CNTN4: variants seen among roughly 807,000 people sequenced by gnomAD.
The protein encoded by CNTN4 is contactin-4.
A neutral mutation model predicts 122.5 loss-of-function variants in CNTN4; 77 were observed. That is an observed-to-expected ratio of 0.63 (90% CI 0.52 to 0.76). CNTN4 has a LOEUF of 0.76. Ranked by LOEUF, CNTN4 falls within the 30% of genes least tolerant of loss-of-function variation. The pLI is 0.00. For missense variants in CNTN4, 1,256 were observed against 1,259.1 expected (o/e 1.00, Z 0.04); for synonymous variants, 512 against 447.0 (o/e 1.15, Z -1.83).
intron 3 of CNTN4, among the ~76,000 whole-genome samples, chr3:2,443,172 G>C (rs2048500636): frequency 6.6e-6 from 1 of 151,158 alleles, no homozygotes; most frequent in Admixed American, 6.6e-5. Flanking sequence ...AAGAAGAAAA[G>C]TAACTTAGAA....
At position 2,768,935 on chromosome 3, in the gene CNTN4, C is replaced by T. The variant is rs534237073; in HGVS notation, c.358+23238C>T. On this transcript the variant is annotated intron_variant, in intron 6 of 24. Transcript: ENST00000418658. ...TCGTGATCCCATTAAGGGACAGATC[C>T]GAGGATCAAAACCCAGACTTTTGAC... Among the ~76,000 whole-genome samples, 4 of 152,164 alleles carry T rather than the reference C, an allele frequency of 2.6e-5. No homozygotes were observed. In the South Asian group the frequency reaches 8.3e-4, roughly 32 times the overall value.
At position 2,248,050 on chromosome 3, in the gene CNTN4, C is replaced by G. The variant is rs115969485; in HGVS notation, c.-144-91128C>G. Among the ~76,000 whole-genome samples, 272 of 152,018 alleles carry G rather than the reference C, an allele frequency of 1.8e-3. 1 individual carries two copies. Among genetic ancestry groups the G allele is most frequent in the Admixed American group, 2.7e-3 (41 of 15,206 alleles). ...GACATGTGATATATGTATTTGTTTA[C>G]TATCTCCTCATGCTAGGTTGTAAGC... On this transcript the variant is annotated intron_variant, in intron 2 of 24. Transcript: ENST00000418658.
intron 2 of CNTN4, among the ~76,000 whole-genome samples, chr3:2,324,899 A>T (rs2043401265): frequency 6.6e-6 from 1 of 152,096 alleles, no homozygotes. Flanking sequence ...TAGTACTCTG[A>T]AGACAAAATG....
At chr3:2,701,255 AATGCATCCAGTATATTT>A (rs1206291981) in intron 4 of CNTN4, among the ~76,000 whole-genome samples, 1 of 152,138 alleles carries the variant, frequency 6.6e-6, no homozygotes, top group Non-Finnish European at 1.5e-5. Context: ...CACTCTACAA[AATGCATCCAGTATATTT>A]TGAGTAGAGA....
intron 3 of CNTN4, among the ~76,000 whole-genome samples, chr3:2,430,422 C>CAAAAAAA (rs545639324): frequency 1.7e-5 from 1 of 60,202 alleles, no homozygotes; most frequent in African/African-American, 5.7e-5. Flanking sequence ...ACTCTTGTCT[C>CAAAAAAA]AAAAAAAAAA....
intron 2 of CNTN4, among the ~76,000 whole-genome samples, chr3:2,203,659 C>G (rs1275073189): frequency 6.6e-6 from 1 of 151,992 alleles, no homozygotes; most frequent in Non-Finnish European, 1.5e-5. Context: ...GTAGAGGGAG[C>G]AGGCACTAAG....
At chr3:2,659,518 C>T (rs1028227154) in intron 4 of CNTN4, among the ~76,000 whole-genome samples, 3 of 147,964 alleles carry the variant, frequency 2.0e-5, no homozygotes, top group Admixed American at 1.3e-4. Flanking sequence ...GAAGAGAGGG[C>T]AAATGTGTAT....
chr3:2,203,086 A>G lies in CNTN4; in HGVS notation c.-145+102447A>G, dbSNP rs552177466. 5.3e-5 allele frequency among the ~76,000 whole-genome samples: 8 copies of G among 151,690 alleles called. No homozygotes were observed. The East Asian group carries it at 1.6e-3, about 30-fold the overall frequency. On this transcript the variant is annotated intron_variant, in intron 2 of 24. Transcript: ENST00000418658. ...TGACCTCAAGTTGTCTGCCCGCCTC[A>G]GCCTCCGAAAGTGCTGGGATTACAG...
At chr3:2,726,591 C>T (rs1224655014) in intron 4 of CNTN4, among the ~76,000 whole-genome samples, 1 of 152,226 alleles carries the variant, frequency 6.6e-6, no homozygotes, top group Non-Finnish European at 1.5e-5. Flanking sequence ...ATCTCATTTA[C>T]ATTTCTCTAG....
At chr3:2,932,475 G>C (rs1363768063) in intron 13 of CNTN4, among the ~76,000 whole-genome samples, 1 of 152,184 alleles carries the variant, frequency 6.6e-6, no homozygotes, top group Non-Finnish European at 1.5e-5. Context: ...TAAAATCAAG[G>C]CTTCAGCAGA....
chr3:2,550,810 T>C (rs1311811436), intron 3 of CNTN4, among the ~76,000 whole-genome samples: 2 of 152,090 alleles, frequency 1.3e-5, no homozygotes, highest in Non-Finnish European at 2.9e-5. Flanking sequence ...GGGACATGGA[T>C]GAAGCTGGAA....
At chr3:2,164,863 C>A (rs1255092057) in intron 2 of CNTN4, among the ~76,000 whole-genome samples, 2 of 151,710 alleles carry the variant, frequency 1.3e-5, no homozygotes, top group Non-Finnish European at 2.9e-5. Context: ...TTAAAAAAAA[C>A]AAAACAAAAC....
intron 14 of CNTN4, among the ~76,000 whole-genome samples, chr3:3,017,675 C>T (rs574236297): frequency 6.6e-6 from 1 of 152,118 alleles, no homozygotes; most frequent in Non-Finnish European, 1.5e-5. Context: ...TTTGCTATGC[C>T]GTGAAGTGCA....
In CNTN4 at chr3:2,677,809, A is replaced by C. The variant is rs2084954059; in HGVS notation, c.56-58406A>C. ...GTGAATGTTAGAAAAAAAAAATAAC[A>C]GGTTTCCTGCAATGCATCTTATCAT... On this transcript the variant is annotated intron_variant, in intron 4 of 24. Transcript: ENST00000418658. 2.0e-5 allele frequency among the ~76,000 whole-genome samples: 3 copies of C among 152,180 alleles called. No homozygotes were observed. In the South Asian group the frequency reaches 6.2e-4, roughly 31 times the overall value.
intron 2 of CNTN4, among the ~76,000 whole-genome samples, chr3:2,336,115 C>G (rs2043944245): frequency 6.6e-6 from 1 of 152,066 alleles, no homozygotes; most frequent in Admixed American, 6.6e-5. Context: ...AACTGGAGCA[C>G]AAGATCCATT....
intron 3 of CNTN4, among the ~76,000 whole-genome samples, chr3:2,444,110 C>T (rs916811869): frequency 1.3e-5 from 2 of 151,292 alleles, no homozygotes; most frequent in Non-Finnish European, 2.9e-5. Flanking sequence ...TAAGGCTTTT[C>T]ATTCAGTCTT....
intron 4 of CNTN4, among the ~76,000 whole-genome samples, chr3:2,580,968 A>G (rs1465232150): frequency 3.3e-5 from 5 of 152,206 alleles, no homozygotes; most frequent in African/African-American, 1.2e-4. Context: ...TTGTCATGCT[A>G]TGATGATAAC....
intron 4 of CNTN4, among the ~76,000 whole-genome samples, chr3:2,639,364 C>T (rs924823685): frequency 2.0e-5 from 3 of 152,140 alleles, no homozygotes; most frequent in African/African-American, 7.2e-5. Context: ...TGGTCTACTA[C>T]TCCCTCAGAT....
chr3:2,152,655 G>A (rs1182467902), intron 2 of CNTN4, among the ~76,000 whole-genome samples: 2 of 152,156 alleles, frequency 1.3e-5, no homozygotes, highest in Admixed American at 6.5e-5. Flanking sequence ...GACTAGTGCT[G>A]GAACAGGATT....
Sources: gnomAD v4.1 joint callset for allele counts (sites outside exome capture counted in the v4.1 genomes callset) on GRCh38, gnomAD v4.1.1 for gene constraint, MANE v1.5 for transcripts, NCBI Gene and HGNC (gene_info 2026-07-23, HGNC 2026-07-21) for gene names.